The following PCSK6 variants were observed in gnomAD, a reference collection of about 807,000 sequenced individuals.
PCSK6 encodes the protein paired basic amino acid cleaving enzyme 4.
In PCSK6, 85 loss-of-function variants were observed where a neutral mutation model predicts 123.3. That is an observed-to-expected ratio of 0.69 (90% CI 0.58 to 0.83). The LOEUF (loss-of-function observed/expected upper bound fraction) is 0.83. PCSK6 is among the 40% of genes least tolerant of loss of function. The pLI is 0.00. For missense variants in PCSK6, 1,191 were observed against 1,282.3 expected, an observed-to-expected ratio of 0.93 and a Z score of 1.09; for synonymous variants, 508 against 516.0, an observed-to-expected ratio of 0.98 and a Z score of 0.21.
At chr15:101,454,267 T>C (rs2057115009) in intron 1 of PCSK6, among the ~76,000 whole-genome samples, 1 of 152,220 alleles carries the variant, frequency 6.6e-6, no homozygotes, top group South Asian at 2.1e-4. Context: ...CTTAAAAATA[T>C]ATACCTCCTG....
chr15:101,466,193 C>T (rs911360320), intron 1 of PCSK6, among the ~76,000 whole-genome samples: 2 of 152,152 alleles, frequency 1.3e-5, no homozygotes, highest in African/African-American at 2.4e-5. Flanking sequence ...ATAAAAGCCA[C>T]ATAAACCCAC....
At chr15:101,338,790 T>C (rs79412777) in intron 13 of PCSK6, among the ~76,000 whole-genome samples, 3,618 of 152,278 alleles carry the variant, frequency 0.024, 131 homozygotes, top group African/African-American at 0.079. Context: ...CAAATCCACC[T>C]GTTTAAACAC....
At chr15:101,462,445 T>A (rs1025250588) in intron 1 of PCSK6, among the ~76,000 whole-genome samples, 4 of 152,086 alleles carry the variant, frequency 2.6e-5, no homozygotes, top group Non-Finnish European at 5.9e-5. Flanking sequence ...AAAGTTAATA[T>A]GAAACAACAA....
chr15:101,389,644 G>T, intron 8 of PCSK6, 80 bp from the exon 9 acceptor site: 1 of 1,141,034 alleles, frequency 8.8e-7, no homozygotes, highest in Non-Finnish European at 1.3e-6. Flanking sequence ...GCTACTTCAG[G>T]TGCCACTAAC....
rs138776099 is a variant in PCSK6 at position 101,463,728 on chromosome 15, T to C, written c.298-20068A>G. On this transcript the variant is annotated intron_variant, in intron 1 of 21. Transcript: ENST00000611716. ...CAGCATTCATGATTATACATGATACTGGCAGTCCCACTGAACAACGTGCCG... is the reference window on the plus strand; with the variant it reads ...CAGCATTCATGATTATACATGATACCGGCAGTCCCACTGAACAACGTGCCG... Among the ~76,000 whole-genome samples the C allele has an allele frequency of 1.3e-4, 20 of 152,300 alleles. No homozygotes were observed. The East Asian group carries it at 3.9e-3, about 29-fold the overall frequency.
At chr15:101,474,221 T>C (rs2057672363) in intron 1 of PCSK6, among the ~76,000 whole-genome samples, 1 of 152,238 alleles carries the variant, frequency 6.6e-6, no homozygotes, top group Admixed American at 6.5e-5. Flanking sequence ...TATGTTAGAC[T>C]GAATTCAATG....
rs201129987 is a variant in PCSK6, at chr15:101,322,507, G to C, written c.2465+13C>G. 6.3e-7 allele frequency: 1 copy of C among 1,588,216 alleles called. No homozygotes were observed. Among genetic ancestry groups the C allele is most frequent in the Non-Finnish European group, 8.6e-7 (1 of 1,157,044 alleles). On this transcript the variant is annotated intron_variant, in intron 18 of 21. Coordinates refer to ENST00000611716, the MANE Select transcript of PCSK6 (RefSeq NM_002570.5). Reference sequence around the variant, plus strand: ...ACCGCCCTGACATTCCTCAGGTTTCGAGGGGGTTTTACCTGAATCCTTCTT... The same window carrying C: ...ACCGCCCTGACATTCCTCAGGTTTCCAGGGGGTTTTACCTGAATCCTTCTT...
chr15:101,368,144 G>T (rs374813066), intron 12 of PCSK6, among the ~76,000 whole-genome samples: 3 of 152,214 alleles, frequency 2.0e-5, no homozygotes, highest in Non-Finnish European at 4.4e-5. Context: ...GCCTGATGGC[G>T]CAAGGACAGC....
intron 6 of PCSK6, among the ~76,000 whole-genome samples, chr15:101,421,000 G>A (rs947730052): frequency 6.6e-6 from 1 of 152,166 alleles, no homozygotes; most frequent in African/African-American, 2.4e-5. Flanking sequence ...AGGCTGGAGT[G>A]CAGTGGCACG....
intron 13 of PCSK6, among the ~76,000 whole-genome samples, chr15:101,343,426 GATGC>G (rs2040664301): frequency 6.6e-6 from 1 of 151,580 alleles, no homozygotes; most frequent in Non-Finnish European, 1.5e-5. Flanking sequence ...TCTTAAGTTG[GATGC>G]TTAGCACATT....
At chr15:101,393,531 A>G in intron 7 of PCSK6, 107 bp from the exon 8 acceptor site, 1 of 803,760 alleles carries the variant, frequency 1.2e-6, no homozygotes, top group Non-Finnish European at 1.9e-6. Context: ...CAAAGGGATA[A>G]GAAGGTTGCA....
rs761643588 is a variant in PCSK6 at position 101,356,045 on chromosome 15, G to A, written c.1858+10151C>T. Among the ~76,000 whole-genome samples the A allele has an allele frequency of 5.3e-5, 8 of 152,346 alleles. No individual in the cohort carries two copies. The East Asian group carries it at 9.6e-4, about 18-fold the overall frequency. The stretch of plus-strand genomic sequence containing the variant: ...ACCCCAGGCCTGTCTGATGTCTGAC[G>A]TGGGAGAATGAAGCATACATGTTTC... On this transcript the variant is annotated intron_variant, in intron 13 of 21. Transcript: ENST00000611716.
rs115990879 is a variant in PCSK6 at position 101,452,490 on chromosome 15, A to C, written c.298-8830T>G. ...TTTTAATTTTAAGATAAGCTGTAAA[A>C]CTCTTCTTTTTCCTGAAAAATTCCA... On this transcript the variant is annotated intron_variant, in intron 1 of 21. Coordinates refer to ENST00000611716, the MANE Select transcript of PCSK6 (RefSeq NM_002570.5). 1.8e-3 allele frequency among the ~76,000 whole-genome samples: 273 copies of C among 152,176 alleles called. 1 individual carries two copies. Among genetic ancestry groups the C allele is most frequent in the African/African-American group, 6.4e-3 (264 of 41,492 alleles).
At chr15:101,466,456 A>G (rs2057462586) in intron 1 of PCSK6, among the ~76,000 whole-genome samples, 1 of 152,176 alleles carries the variant, frequency 6.6e-6, no homozygotes, top group Non-Finnish European at 1.5e-5. Context: ...AGAAATGTAA[A>G]CATAGAGCTG....
At chr15:101,318,534 G>C in intron 18 of PCSK6, 112 bp from the exon 19 acceptor site, 1 of 890,312 alleles carries the variant, frequency 1.1e-6, no homozygotes, top group Non-Finnish European at 1.8e-6. Context: ...ACAGTTCTTT[G>C]TGTCACCGAA....
chr15:101,310,019 C>T (rs1057128374), intron 20 of PCSK6, among the ~76,000 whole-genome samples: 7 of 152,228 alleles, frequency 4.6e-5, no homozygotes, highest in African/African-American at 1.2e-4. Flanking sequence ...CATGCTCCCT[C>T]GGAGCTGCCT....
At chr15:101,315,463 C>T (rs967103244) in intron 19 of PCSK6, among the ~76,000 whole-genome samples, 2 of 152,206 alleles carry the variant, frequency 1.3e-5, no homozygotes, top group Non-Finnish European at 2.9e-5. Context: ...GCAATAAGAG[C>T]AGAACGGGCT....
intron 13 of PCSK6, among the ~76,000 whole-genome samples, chr15:101,355,597 C>T (rs1009189295): frequency 1.3e-5 from 2 of 152,228 alleles, no homozygotes; most frequent in African/African-American, 2.4e-5. Context: ...CCAGCAGACC[C>T]GGCATGGGGC....
chr15:101,349,169 T>A (rs2040826970), intron 13 of PCSK6, among the ~76,000 whole-genome samples: 1 of 152,188 alleles, frequency 6.6e-6, no homozygotes, highest in Non-Finnish European at 1.5e-5. Flanking sequence ...GGGAACTTCC[T>A]GAATGGCTCT....
Sources: gnomAD v4.1 joint callset for allele counts (sites outside exome capture counted in the v4.1 genomes callset) on GRCh38, gnomAD v4.1.1 for gene constraint, MANE v1.5 for transcripts, NCBI Gene and HGNC (gene_info 2026-07-23, HGNC 2026-07-21) for gene names.